Variants in ATP8A2 observed in about 807,000 individuals in gnomAD.
The protein encoded by ATP8A2 is phospholipid-transporting ATPase IB.
Under a neutral mutation model 165.6 loss-of-function variants are expected in ATP8A2, and 100 were observed. The observed-to-expected ratio is 0.60, with a 90% confidence interval of 0.51 to 0.71. The LOEUF (loss-of-function observed/expected upper bound fraction) is 0.71. Among genes scored for constraint, ATP8A2 ranks in the 30% least tolerant of loss-of-function variants. The pLI is 0.00. For missense variants in ATP8A2, 1,227 were observed against 1,479.5 expected, an observed-to-expected ratio of 0.83 and a Z score of 2.80; for synonymous variants, 543 against 548.8, an observed-to-expected ratio of 0.99 and a Z score of 0.15.
intron 33 of ATP8A2, chr13:25,927,089 C>T (rs1185907): frequency 0.86 from 389,370 of 454,200 alleles, 167,620 homozygotes; most frequent in East Asian, 0.99. Flanking sequence ...TTCATTCATT[C>T]ACCTTCTTCC....
At chr13:25,709,149 C>T (rs905616290) in intron 25 of ATP8A2, among the ~76,000 whole-genome samples, 3 of 152,182 alleles carry the variant, frequency 2.0e-5, no homozygotes, top group Admixed American at 2.0e-4. Context: ...CCCTCCCCAA[C>T]CGTCCCATCA....
chr13:25,529,951 A>G (rs1023826937), intron 2 of ATP8A2, 48 bp from the exon 3 acceptor site: 2 of 1,056,648 alleles, frequency 1.9e-6, no homozygotes, highest in African/African-American at 3.2e-5. Flanking sequence ...CTTGTGTTTT[A>G]GAGTTTACAT....
intron 2 of ATP8A2, among the ~76,000 whole-genome samples, chr13:25,504,834 TC>T: frequency 6.6e-6 from 1 of 151,428 alleles, no homozygotes; most frequent in Non-Finnish European, 1.5e-5. Context: ...TAATCTATGG[TC>T]CTCTTGCTAG....
chr13:25,374,565 T>G (rs902313974), intron 1 of ATP8A2, among the ~76,000 whole-genome samples: 2 of 152,102 alleles, frequency 1.3e-5, no homozygotes, highest in Admixed American at 6.6e-5. Context: ...GGGAAGGCAG[T>G]GATCTGAGAG....
At chr13:25,983,005 T>C (rs1285427485) in intron 35 of ATP8A2, among the ~76,000 whole-genome samples, 1 of 152,242 alleles carries the variant, frequency 6.6e-6, no homozygotes, top group Non-Finnish European at 1.5e-5. Flanking sequence ...CAATGCATTA[T>C]TCTTGCATTT....
intron 27 of ATP8A2, among the ~76,000 whole-genome samples, chr13:25,809,268 C>G (rs1950809538): frequency 6.6e-6 from 1 of 151,954 alleles, no homozygotes; most frequent in Non-Finnish European, 1.5e-5. Context: ...CAATGGAAGC[C>G]CAAACCTCAG....
At chr13:25,532,233 C>G in intron 4 of ATP8A2, 39 bp from the exon 5 acceptor site, 1 of 1,538,728 alleles carries the variant, frequency 6.5e-7, no homozygotes, top group Non-Finnish European at 8.9e-7. Flanking sequence ...TCATGTGGAA[C>G]TTTTGAATGT....
Position 25,372,466 on chromosome 13 carries a change from C to T in ATP8A2, c.76+178C>T, listed in dbSNP as rs2032445440. ...CGCTGGCCGCACGGGGGCTGGGCGT[C>T]GCTGCACCTGCGGGGCCAAAAGGCT... On this transcript the variant is annotated intron_variant, in intron 1 of 36. Coordinates refer to ENST00000381655, the MANE Select transcript of ATP8A2 (RefSeq NM_016529.6). This position sits in a 1 kb window ranked among gnomAD's most constrained non-coding sequence, Gnocchi z 4.8. Among the ~76,000 whole-genome samples the T allele has an allele frequency of 6.6e-6, 1 of 152,110 alleles. No homozygotes were observed. Among genetic ancestry groups the T allele is most frequent in the South Asian group, 2.1e-4 (1 of 4,830 alleles).
intron 33 of ATP8A2, among the ~76,000 whole-genome samples, chr13:25,893,909 T>C (rs904266089): frequency 1.3e-5 from 2 of 152,212 alleles, no homozygotes; most frequent in South Asian, 2.1e-4. Flanking sequence ...TTTGTTCTTT[T>C]CTTGTAAATT....
At position 25,632,957 on chromosome 13, in the gene ATP8A2, A is replaced by T. The variant is rs556045239; in HGVS notation, c.2211+43258A>T. Among the ~76,000 whole-genome samples, 4 of 152,316 alleles carry T rather than the reference A, an allele frequency of 2.6e-5. No homozygotes were observed. In the East Asian group the frequency reaches 7.7e-4, roughly 29 times the overall value. ...TCTGTTTGCCACCAATAGTTTGGCT[A>T]TGCTTTTATGCCTAAGTGACAAACT... On this transcript the variant is annotated intron_variant, in intron 24 of 36. Transcript: ENST00000381655.
chr13:25,797,186 T>TG (rs1241718834), intron 27 of ATP8A2, among the ~76,000 whole-genome samples: 1 of 152,162 alleles, frequency 6.6e-6, no homozygotes, highest in Non-Finnish European at 1.5e-5. Flanking sequence ...GAGAATCGCT[T>TG]GAACCCAGGA....
chr13:25,740,126 G>A (rs781194331), intron 25 of ATP8A2, among the ~76,000 whole-genome samples: 5 of 151,972 alleles, frequency 3.3e-5, no homozygotes, highest in Non-Finnish European at 4.4e-5. Context: ...TGGCTAACAC[G>A]GTGAAACCCC....
chr13:25,956,651 C>G (rs965717754), intron 33 of ATP8A2, among the ~76,000 whole-genome samples: 5 of 152,188 alleles, frequency 3.3e-5, no homozygotes, highest in Non-Finnish European at 4.4e-5. Flanking sequence ...ACATTCCATG[C>G]TCATGGATAG....
At chr13:25,951,102 A>G (rs1482324702) in intron 33 of ATP8A2, among the ~76,000 whole-genome samples, 3 of 152,186 alleles carry the variant, frequency 2.0e-5, no homozygotes, top group Non-Finnish European at 2.9e-5. Flanking sequence ...CTCTTCCTGT[A>G]TGATAGAGCA....
chr13:25,910,378 C>T (rs761054262), intron 33 of ATP8A2, among the ~76,000 whole-genome samples: 10 of 152,100 alleles, frequency 6.6e-5, no homozygotes, highest in South Asian at 6.2e-4. Flanking sequence ...TTTCACGGCA[C>T]CTGTAAATGA....
At chr13:25,610,817 A>G (rs528814895) in intron 24 of ATP8A2, among the ~76,000 whole-genome samples, 1 of 139,946 alleles carries the variant, frequency 7.1e-6, no homozygotes, top group Admixed American at 7.1e-5. Context: ...GTTGTTTATA[A>G]TTTCTTTTAG....
At chr13:25,540,425 G>C in intron 8 of ATP8A2, 37 bp downstream of exon 8, 1 of 1,391,162 alleles carries the variant, frequency 7.2e-7, no homozygotes, top group Non-Finnish European at 1.0e-6. Context: ...TGTTATGGTA[G>C]ACACAACTGC....
At chr13:25,598,484 G>A (rs2040295607) in intron 24 of ATP8A2, among the ~76,000 whole-genome samples, 2 of 152,108 alleles carry the variant, frequency 1.3e-5, no homozygotes, top group Admixed American at 1.3e-4. Context: ...TTCTATGAAC[G>A]TGGGATATCT....
At chr13:25,814,620 T>TAA (rs3981881) in intron 27 of ATP8A2, among the ~76,000 whole-genome samples, 29,677 of 129,530 alleles carry the variant, frequency 0.23, 3,768 homozygotes, top group Admixed American at 0.32. Flanking sequence ...AGCATTCAAT[T>TAA]AAAAAAAAAA....
Sources: allele counts gnomAD v4.1 joint callset (sites outside exome capture counted in the v4.1 genomes callset), GRCh38; gene constraint gnomAD v4.1.1; non-coding constraint Gnocchi (gnomAD v3.1); transcripts MANE v1.5; gene names NCBI Gene and HGNC (gene_info 2026-07-23, HGNC 2026-07-21).